Variants in SCGB3A1 observed in about 807,000 individuals in gnomAD.
SCGB3A1 encodes the protein cytokine HIN-1.
In SCGB3A1, 7 loss-of-function variants were observed where a neutral mutation model predicts 7.6. The ratio of observed to expected loss-of-function variants is 0.93; its 90% CI spans 0.53 to 1.74. The LOEUF is 1.74. SCGB3A1 is among the 40% of genes most tolerant of loss of function. The pLI is 0.00. For synonymous variants in SCGB3A1, 67 were observed against 66.6 expected (o/e 1.01, Z -0.03); for missense variants, 119 against 129.0 (o/e 0.92, Z 0.38).
intron 2 of SCGB3A1, 141 bp downstream of exon 2, chr5:180,590,459 C>A: frequency 1.1e-6 from 1 of 940,820 alleles, no homozygotes; most frequent in South Asian, 1.7e-5. Flanking sequence ...CCCGGAGACC[C>A]GGGCTTCTCC....
chr5:180,590,873 G>T, intron 1 of SCGB3A1, 35 bp from the exon 2 acceptor site: 3 of 1,533,154 alleles, frequency 2.0e-6, no homozygotes, highest in South Asian at 1.2e-5. Flanking sequence ...CCGCCTGCGC[G>T]CCGGGGTCCC....
chr5:180,590,591 C>T lies in SCGB3A1; in HGVS notation c.291+9G>A, dbSNP rs1004511330. 6.3e-7 allele frequency: 1 copy of T among 1,598,760 alleles called. No homozygotes were observed. Among genetic ancestry groups the T allele is most frequent in the Non-Finnish European group, 8.5e-7 (1 of 1,172,184 alleles). On this transcript the variant is annotated intron_variant, in intron 2 of 2. Coordinates refer to ENST00000292641, the MANE Select transcript of SCGB3A1 (RefSeq NM_052863.3). ...CGCGCAGGAAGGGCACCCGGGGTGC[C>T]CACTTTACCAGCAGGGCCTTCAGGG...
chr5:180,590,679 AG>A lies in SCGB3A1; in HGVS notation c.211del (p.Leu71SerfsTer2). Reference protein sequence around the residue: ...LSSLGIPVNHLIEGSQKCVAE... With the variant: ...LSSLGIPVNHXIEGSQKCVAE... ...CACACACTTCTGGGAGCCCTCTATGAGGTGGTTCACGGGGATGCCCAGGCTG... is the reference window on the plus strand; with the variant it reads ...CACACACTTCTGGGAGCCCTCTATGAGTGGTTCACGGGGATGCCCAGGCTG... On this transcript the variant is annotated frameshift_variant, in exon 2 of 3. Transcript: ENST00000292641. LOFTEE classifies it high-confidence loss of function. 6.3e-7 allele frequency: 1 copy of A among 1,590,590 alleles called. No individual in the cohort carries two copies. Among genetic ancestry groups the A allele is most frequent in the African/African-American group, 1.3e-5 (1 of 74,456 alleles).
At chr5:180,591,138 C>T in intron 1 of SCGB3A1, 1 of 416,184 alleles carries the variant, frequency 2.4e-6, no homozygotes, top group Non-Finnish European at 4.2e-6. Context: ...ACTCGCGCTG[C>T]GCCTTGCAGG....
At chr5:180,591,164 CCAGACGGGGGG>C (rs1761308026) in intron 1 of SCGB3A1, 1 of 407,124 alleles carries the variant, frequency 2.5e-6, no homozygotes, top group African/African-American at 2.1e-5. Flanking sequence ...GAGCCGGTCT[CCAGACGGGGGG>C]CAGACGGGTG....
chr5:180,590,404 G>A (rs1229173200), intron 2 of SCGB3A1, 150 bp from the exon 3 acceptor site: 7 of 1,103,066 alleles, frequency 6.3e-6, no homozygotes, highest in South Asian at 1.6e-5. Flanking sequence ...GGCCATCTCC[G>A]CCTTCCCCGC....
intron 1 of SCGB3A1, chr5:180,591,083 G>T: frequency 2.0e-6 from 1 of 503,802 alleles, no homozygotes; most frequent in Non-Finnish European, 3.4e-6. Context: ...GGAAGGACCG[G>T]TGAACTCTGT....
At position 180,590,715 on chromosome 5, in the gene SCGB3A1, A is replaced by C. The variant is rs767328587; in HGVS notation, c.176T>G (p.Leu59Arg). ...GGGGATGCCCAGGCTGCTCAGCAGGAGCTTCAGCGGGTTGAGGGTGCCGAG... is the reference window on the plus strand; with the variant it reads ...GGGGATGCCCAGGCTGCTCAGCAGGCGCTTCAGCGGGTTGAGGGTGCCGAG... ...NPLGTLNPLK[L>R]LLSSLGIPVN... Residue 59 changes from leucine to arginine, a missense_variant, in exon 2 of 3, where the codon CTC becomes CGC. Coordinates refer to ENST00000292641, the MANE Select transcript of SCGB3A1 (RefSeq NM_052863.3). 6.3e-7 allele frequency: 1 copy of C among 1,583,906 alleles called. No homozygotes were observed. Among genetic ancestry groups the C allele is most frequent in the South Asian group, 1.2e-5 (1 of 86,936 alleles).
intron 1 of SCGB3A1, 70 bp from the exon 2 acceptor site, chr5:180,590,908 C>T: frequency 4.2e-6 from 5 of 1,201,570 alleles, no homozygotes; most frequent in Non-Finnish European, 5.7e-6. Context: ...AGGACGCGCC[C>T]CCGCGGGAGG....
rs1369077823 is a variant in SCGB3A1 at position 180,590,158 on chromosome 5, C to T, written c.*73G>A. 3 of 1,509,406 alleles carry T rather than the reference C, an allele frequency of 2.0e-6. No homozygotes were observed. The highest frequency in any genetic ancestry group is 1.4e-5 in the African/African-American group (1 of 72,848). 93.5% of individuals were successfully genotyped at this position (1,509,406 alleles called of 1,614,324 possible). A position where few individuals can be genotyped will look rare whatever the true frequency, so the allele number is the denominator to read the frequency against. ...CCGGGGGAAGGGGATGGACGGTCCT[C>T]CCCGCGGCGGGGTTTTCAGCCCTCG... is the stretch of plus-strand genomic sequence containing the variant. On this transcript the variant is annotated 3_prime_UTR_variant, in exon 3 of 3. Coordinates refer to ENST00000292641, the MANE Select transcript of SCGB3A1 (RefSeq NM_052863.3).
chr5:180,591,270 C>T (rs575170122), intron 1 of SCGB3A1, 141 bp downstream of exon 1: 1 of 640,678 alleles, frequency 1.6e-6, no homozygotes, highest in Non-Finnish European at 2.2e-6. Flanking sequence ...AGGCGCGGGG[C>T]CCCGGGGTGG....
chr5:180,590,336 T>G, intron 2 of SCGB3A1, 82 bp from the exon 3 acceptor site: 1 of 1,530,152 alleles, frequency 6.5e-7, no homozygotes, highest in Non-Finnish European at 8.9e-7. Context: ...GCCGGCTCTG[T>G]GGGGAGCGGG....
chr5:180,591,063 T>A (rs1439301630), intron 1 of SCGB3A1: 1 of 510,096 alleles, frequency 2.0e-6, no homozygotes, highest in Non-Finnish European at 3.4e-6. Flanking sequence ...CGGAGTGGCC[T>A]GAGGGTGGCG....
At chr5:180,590,899 G>C in intron 1 of SCGB3A1, 61 bp from the exon 2 acceptor site, 2 of 1,306,714 alleles carry the variant, frequency 1.5e-6, no homozygotes, top group Non-Finnish European at 2.1e-6. Context: ...GGCAGGTCCA[G>C]GACGCGCCCC....
At chr5:180,590,890 G>T (rs1246245020) in intron 1 of SCGB3A1, 52 bp from the exon 2 acceptor site, 3 of 1,426,700 alleles carry the variant, frequency 2.1e-6, no homozygotes, top group Non-Finnish European at 2.9e-6. Context: ...TCCCCAGAAG[G>T]CAGGTCCAGG....
intron 2 of SCGB3A1, 47 bp downstream of exon 2, chr5:180,590,553 G>GGGAAGGGATGCCCGCGCA: frequency 6.8e-7 from 1 of 1,476,484 alleles, no homozygotes; most frequent in Non-Finnish European, 9.3e-7. Flanking sequence ...GAGGCTGGCC[G>GGGAAGGGATGCCCGCGCA]GGAAGGGATG....
chr5:180,590,243 T>G lies in SCGB3A1; in HGVS notation c.303A>C (p.Thr101=), dbSNP rs1761287362. 6.3e-7 allele frequency: 1 copy of G among 1,583,580 alleles called. No homozygotes were observed. Residue 101 remains threonine (T), a synonymous_variant, in exon 3 of 3, where the codon ACA becomes ACC. Coordinates refer to ENST00000292641, the MANE Select transcript of SCGB3A1 (RefSeq NM_052863.3). ...CTCCAGTCTCGGCTCAGCCAAACAC[T>G]GTCAGGGCCCCCTGGAAAGCAGAAG... ...KALKALLGAL[T]VFG
intron 1 of SCGB3A1, 120 bp downstream of exon 1, chr5:180,591,266 GGGGCCCCGGGGTGGCGGAGCCCTCT>G: frequency 1.6e-6 from 1 of 619,666 alleles, no homozygotes; most frequent in Non-Finnish European, 2.3e-6. Context: ...CTGCAGGCGC[GGGGCCCCGGGGTGGCGGAGCCCTCT>G]GGGCGCCGGG....
intron 1 of SCGB3A1, 150 bp downstream of exon 1, chr5:180,591,261 G>A (rs1761310037): frequency 1.7e-6 from 1 of 574,732 alleles, no homozygotes; most frequent in South Asian, 9.1e-5. Context: ...GCGGGCTGCA[G>A]GCGCGGGGCC....
Sources: gnomAD v4.1 joint callset for allele counts on GRCh38, gnomAD v4.1.1 for gene constraint, MANE v1.5 for transcripts, NCBI Gene and HGNC (gene_info 2026-07-23, HGNC 2026-07-21) for gene names.